The following FGD4 variants were observed in gnomAD, a reference collection of about 807,000 sequenced individuals.
FGD4 encodes FYVE, RhoGEF and PH domain-containing protein 4.
FGD4 carries 42 observed loss-of-function variants against 102.0 expected under a neutral mutation model. The observed-to-expected ratio is 0.41, with a 90% CI of 0.32 to 0.53. The LOEUF is 0.53. Ranked by LOEUF, FGD4 falls within the 20% of genes least tolerant of loss-of-function variation. FGD4 has a pLI of 0.21. For synonymous variants in FGD4, 380 were observed against 375.7 expected, an observed-to-expected ratio of 1.01 and a Z score of -0.13; for missense variants, 902 against 1,078.2, an observed-to-expected ratio of 0.84 and a Z score of 2.29.
At position 32,601,259 on chromosome 12, in the gene FGD4, A is replaced by G; in HGVS notation, c.1102-19A>G. ...AACCAATAAATGTGAAGTAATGCTTACATTATTCTTTTATTCAGGTATTTT... is the reference window on the plus strand; with the variant it reads ...AACCAATAAATGTGAAGTAATGCTTGCATTATTCTTTTATTCAGGTATTTT... On this transcript the variant is annotated intron_variant, in intron 5 of 16. Coordinates refer to ENST00000534526, the MANE Select transcript of FGD4 (RefSeq NM_001370298.3). 6.2e-7 allele frequency: 1 copy of G among 1,611,672 alleles called. No homozygotes were observed. The highest frequency in any genetic ancestry group is 8.5e-7 in the Non-Finnish European group (1 of 1,178,490).
intron 1 of FGD4, among the ~76,000 whole-genome samples, chr12:32,531,414 G>A (rs1310210030): frequency 6.6e-6 from 1 of 152,138 alleles, no homozygotes; most frequent in Non-Finnish European, 1.5e-5. Context: ...TGAAGATACA[G>A]AACAGTCCCT....
chr12:32,519,807 C>T (rs930599178), intron 1 of FGD4, among the ~76,000 whole-genome samples: 11 of 151,892 alleles, frequency 7.2e-5, no homozygotes, highest in East Asian at 3.9e-4. Context: ...AGTAGCTGGG[C>T]GTGGTGGTGT....
At chr12:32,467,956 C>T (rs1022511765) in intron 1 of FGD4, among the ~76,000 whole-genome samples, 4 of 152,148 alleles carry the variant, frequency 2.6e-5, no homozygotes, top group Admixed American at 1.3e-4. Context: ...GTGGAGGTTG[C>T]AGTGAGCCGA....
chr12:32,510,777 G>A (rs1939281008), intron 1 of FGD4, among the ~76,000 whole-genome samples: 1 of 152,162 alleles, frequency 6.6e-6, no homozygotes, highest in Non-Finnish European at 1.5e-5. Context: ...ACTTGTAAGA[G>A]ATATTGTAGA....
chr12:32,469,383 A>G (rs1224424400), intron 1 of FGD4, among the ~76,000 whole-genome samples: 1 of 151,638 alleles, frequency 6.6e-6, no homozygotes, highest in Non-Finnish European at 1.5e-5. Flanking sequence ...GGTTCAAGGA[A>G]TTCTCCTGCC....
intron 1 of FGD4, among the ~76,000 whole-genome samples, chr12:32,459,869 T>G (rs1409681061): frequency 6.6e-6 from 1 of 151,668 alleles, no homozygotes; most frequent in Non-Finnish European, 1.5e-5. Flanking sequence ...TGGCTGATTT[T>G]TTTTGTTTTT....
In FGD4 at chr12:32,497,636, A is replaced by G. The variant is rs1279393225; in HGVS notation, c.167-66501A>G. On this transcript the variant is annotated intron_variant, in intron 1 of 16. Coordinates refer to ENST00000534526, the MANE Select transcript of FGD4 (RefSeq NM_001370298.3). ...AATTTATAATACAAACCATTTGTCA[A>G]GAAGGAGTTTCGGAAAGCACGGAAA... is the stretch of plus-strand genomic sequence containing the variant. 4.0e-4 allele frequency among the ~76,000 whole-genome samples: 61 copies of G among 152,182 alleles called. 1 individual carries two copies. The highest frequency in any genetic ancestry group is 4.0e-3 in the Admixed American group (61 of 15,274).
At chr12:32,619,348 G>C (rs552802937) in intron 10 of FGD4, among the ~76,000 whole-genome samples, 62 of 152,220 alleles carry the variant, frequency 4.1e-4, no homozygotes, top group Non-Finnish European at 7.5e-4. Flanking sequence ...TCTGTTTCCA[G>C]CCGGGTGCGG....
intron 1 of FGD4, among the ~76,000 whole-genome samples, chr12:32,541,349 T>A (rs1942811110): frequency 6.6e-6 from 1 of 152,166 alleles, no homozygotes; most frequent in Non-Finnish European, 1.5e-5. Flanking sequence ...AAATATTAAA[T>A]GTTTAGTAAA....
chr12:32,421,665 A>G (rs914524969), intron 1 of FGD4, among the ~76,000 whole-genome samples: 2 of 152,100 alleles, frequency 1.3e-5, no homozygotes, highest in African/African-American at 4.8e-5. Flanking sequence ...TTTTTAGGTC[A>G]AGACTCCTGA....
chr12:32,419,037 T>C (rs1941533161), intron 1 of FGD4, among the ~76,000 whole-genome samples: 1 of 152,106 alleles, frequency 6.6e-6, no homozygotes, highest in Admixed American at 6.6e-5. Context: ...CCATCACTGA[T>C]ACTTAAAGCC....
At chr12:32,521,434 A>C (rs1940548598) in intron 1 of FGD4, among the ~76,000 whole-genome samples, 1 of 151,958 alleles carries the variant, frequency 6.6e-6, no homozygotes. Flanking sequence ...AGAAATGTTC[A>C]AAGGAAACAA....
In FGD4 at chr12:32,640,584, G is replaced by A; in HGVS notation, c.*51G>A. The A allele has an allele frequency of 6.2e-7, 1 of 1,611,780 alleles. No individual in the cohort carries two copies. Among genetic ancestry groups the A allele is most frequent in the Non-Finnish European group, 8.5e-7 (1 of 1,179,728 alleles). ...GGAGGTCTCAGGACTTACAGCTCAA[G>A]ACATTCCCAGCTCTTCTTACACATC... On this transcript the variant is annotated 3_prime_UTR_variant, in exon 17 of 17. Coordinates refer to ENST00000534526, the MANE Select transcript of FGD4 (RefSeq NM_001370298.3).
At chr12:32,524,407 A>T (rs199544274) in intron 1 of FGD4, among the ~76,000 whole-genome samples, 1 of 151,208 alleles carries the variant, frequency 6.6e-6, no homozygotes, top group African/African-American at 2.4e-5. Flanking sequence ...AAAAAAAAAA[A>T]AAAAAAAAAG....
At chr12:32,460,241 G>A (rs1369873806) in intron 1 of FGD4, among the ~76,000 whole-genome samples, 1 of 151,962 alleles carries the variant, frequency 6.6e-6, no homozygotes, top group Non-Finnish European at 1.5e-5. Flanking sequence ...GCCAGACATG[G>A]TGGCTCACGC....
chr12:32,582,469 T>G lies in FGD4; in HGVS notation c.1011+2T>G. The stretch of plus-strand genomic sequence containing the variant: ...CTGGACCAGCACCATGAGATGAAGG[T>G]AGAGCATGAGACTAGCTCATGAGCA... On this transcript the variant is annotated splice_donor_variant, in intron 4 of 16. Coordinates refer to ENST00000534526, the MANE Select transcript of FGD4 (RefSeq NM_001370298.3). LOFTEE classifies it high-confidence loss of function. 2.5e-6 allele frequency: 4 copies of G among 1,608,846 alleles called. No homozygotes were observed. The highest frequency in any genetic ancestry group is 3.4e-6 in the Non-Finnish European group (4 of 1,179,984).
At chr12:32,599,663 T>TCA in intron 5 of FGD4, among the ~76,000 whole-genome samples, 1 of 137,004 alleles carries the variant, frequency 7.3e-6, no homozygotes, top group Admixed American at 7.7e-5. Flanking sequence ...TTCTCCTGCC[T>TCA]CAGCCTCCCG....
At chr12:32,434,342 A>G (rs912506051) in intron 1 of FGD4, among the ~76,000 whole-genome samples, 8 of 152,232 alleles carry the variant, frequency 5.3e-5, no homozygotes, top group African/African-American at 1.9e-4. Context: ...CTTCTAATTC[A>G]TAGAAAAGTT....
chr12:32,488,188 AAGAC>A (rs1379767241), intron 1 of FGD4, among the ~76,000 whole-genome samples: 1 of 151,978 alleles, frequency 6.6e-6, no homozygotes, highest in Non-Finnish European at 1.5e-5. Flanking sequence ...AAAAAAAAAA[AAGAC>A]AGAGAAAAAG....
Sources: gnomAD v4.1 joint callset for allele counts (sites outside exome capture counted in the v4.1 genomes callset) on GRCh38, gnomAD v4.1.1 for gene constraint, MANE v1.5 for transcripts, NCBI Gene and HGNC (gene_info 2026-07-23, HGNC 2026-07-21) for gene names.